The following MACROD2 variants were observed in gnomAD, a reference collection of about 807,000 sequenced individuals.
The protein encoded by MACROD2 is mono-ADP ribosylhydrolase 2.
In MACROD2, 36 loss-of-function variants were observed where a neutral mutation model predicts 70.4. The ratio of observed to expected loss-of-function variants is 0.51; its 90% CI spans 0.39 to 0.68. The LOEUF (loss-of-function observed/expected upper bound fraction) is 0.68. Among genes scored for constraint, MACROD2 ranks in the 30% least tolerant of loss-of-function variants. The pLI is 0.00. For missense variants in MACROD2, 496 were observed against 538.4 expected (o/e 0.92, Z 0.78); for synonymous variants, 172 against 178.8 (o/e 0.96, Z 0.30).
chr20:14,251,635 T>A (rs2082013312), intron 3 of MACROD2, among the ~76,000 whole-genome samples: 1 of 152,116 alleles, frequency 6.6e-6, no homozygotes, highest in African/African-American at 2.4e-5. Flanking sequence ...TTAATCTAAG[T>A]GCTAAAAATG....
chr20:16,017,104 A>G (rs952711796), intron 15 of MACROD2, among the ~76,000 whole-genome samples: 1 of 152,222 alleles, frequency 6.6e-6, no homozygotes, highest in Admixed American at 6.5e-5. Context: ...AAATAAGAAT[A>G]TAACAATCTT....
At chr20:14,515,834 C>T (rs917310720) in intron 4 of MACROD2, among the ~76,000 whole-genome samples, 1 of 151,638 alleles carries the variant, frequency 6.6e-6, no homozygotes, top group African/African-American at 2.4e-5. Flanking sequence ...TTCAAAATTG[C>T]TAAAAGAATT....
At chr20:15,040,227 A>G (rs1233610229) in intron 5 of MACROD2, among the ~76,000 whole-genome samples, 1 of 151,890 alleles carries the variant, frequency 6.6e-6, no homozygotes, top group African/African-American at 2.4e-5. Flanking sequence ...AGGCAGGAGA[A>G]TGGTAAGAAC....
chr20:14,089,791 CAAAAAT>C, intron 3 of MACROD2, among the ~76,000 whole-genome samples: 1 of 152,098 alleles, frequency 6.6e-6, no homozygotes, highest in Admixed American at 6.6e-5. Context: ...ATAGAAAAGA[CAAAAAT>C]AACACAGAGT....
intron 8 of MACROD2, among the ~76,000 whole-genome samples, chr20:15,684,282 G>C (rs2050198362): frequency 6.6e-6 from 1 of 152,208 alleles, no homozygotes; most frequent in Non-Finnish European, 1.5e-5. Context: ...GCAGGGATCA[G>C]CCGGGTCTAG....
chr20:14,314,178 A>C (rs2082592840), intron 3 of MACROD2, among the ~76,000 whole-genome samples: 1 of 152,188 alleles, frequency 6.6e-6, no homozygotes, highest in Non-Finnish European at 1.5e-5. Flanking sequence ...TTTTTTAAAA[A>C]ATTATTATTC....
At chr20:15,694,601 T>C (rs1335406685) in intron 8 of MACROD2, among the ~76,000 whole-genome samples, 1 of 152,188 alleles carries the variant, frequency 6.6e-6, no homozygotes. Flanking sequence ...GAGTTCATTG[T>C]AGATTCTGGA....
intron 5 of MACROD2, among the ~76,000 whole-genome samples, chr20:14,989,458 G>T (rs773567055): frequency 6.6e-6 from 1 of 152,138 alleles, no homozygotes; most frequent in East Asian, 1.9e-4. Flanking sequence ...CAAAAAGTAC[G>T]CATTCAAGAA....
chr20:15,112,391 T>G (rs1419079671), intron 5 of MACROD2, among the ~76,000 whole-genome samples: 1 of 151,608 alleles, frequency 6.6e-6, no homozygotes, highest in Admixed American at 6.6e-5. Context: ...CTAATTTTAA[T>G]AATGCATTTG....
intron 5 of MACROD2, among the ~76,000 whole-genome samples, chr20:14,691,043 G>A (rs571697307): frequency 2.2e-4 from 33 of 152,064 alleles, no homozygotes; most frequent in Admixed American, 3.3e-4. Flanking sequence ...TCATCCTCCC[G>A]AGTAGCTGGG....
intron 8 of MACROD2, among the ~76,000 whole-genome samples, chr20:15,779,833 G>A (rs1469992026): frequency 3.3e-5 from 5 of 152,114 alleles, no homozygotes; most frequent in Non-Finnish European, 7.4e-5. Flanking sequence ...GAAAACCATT[G>A]CAACTGTTCC....
intron 8 of MACROD2, among the ~76,000 whole-genome samples, chr20:15,782,717 C>CAAAAAAAAAAAAAAAA (rs11472322): frequency 1.3e-4 from 11 of 83,358 alleles, no homozygotes; most frequent in Non-Finnish European, 2.4e-4. Context: ...AGAGAAATGG[C>CAAAAAAAAAAAAAAAA]AAAAAAAAAA....
chr20:14,830,681 G>A (rs1326482462), intron 5 of MACROD2, among the ~76,000 whole-genome samples: 2 of 152,194 alleles, frequency 1.3e-5, no homozygotes, highest in South Asian at 2.1e-4. Context: ...ACAAGGGTGC[G>A]GTTACTAATA....
At chr20:14,236,224 C>T (rs998420263) in intron 3 of MACROD2, among the ~76,000 whole-genome samples, 7 of 151,968 alleles carry the variant, frequency 4.6e-5, no homozygotes, top group African/African-American at 1.7e-4. Context: ...CAAAATTGTA[C>T]TAGTCATTCC....
intron 3 of MACROD2, among the ~76,000 whole-genome samples, chr20:14,162,127 G>A (rs1056365183): frequency 6.6e-6 from 1 of 152,096 alleles, no homozygotes. Context: ...ATCCTTGACC[G>A]AGTGGTCATT....
chr20:14,188,358 T>C (rs2081360672), intron 3 of MACROD2, among the ~76,000 whole-genome samples: 1 of 152,132 alleles, frequency 6.6e-6, no homozygotes, highest in South Asian at 2.1e-4. Context: ...GTGTTGATGA[T>C]GGTGTAACTT....
At chr20:15,096,969 G>A (rs6043092) in intron 5 of MACROD2, among the ~76,000 whole-genome samples, 127,458 of 151,718 alleles carry the variant, frequency 0.84, 54,393 homozygotes, top group Non-Finnish European at 0.9. Flanking sequence ...TCGCCACCAC[G>A]CCCAGTTAAT....
rs149705675 is a variant in MACROD2 at position 15,906,428 on chromosome 20, T to A, written c.775+20617T>A. On this transcript the variant is annotated intron_variant, in intron 10 of 17. Coordinates refer to ENST00000684519, the MANE Select transcript of MACROD2 (RefSeq NM_001351661.2). The stretch of plus-strand genomic sequence containing the variant: ...ATTTGGGAATAAGTTGCCAATCTAC[T>A]GTTTCTATCCCCAAACATTTAACTG... 1.3e-3 allele frequency among the ~76,000 whole-genome samples: 198 copies of A among 152,358 alleles called. 1 individual carries two copies. The highest frequency in any genetic ancestry group is 4.6e-3 in the African/African-American group (191 of 41,576).
At chr20:15,133,792 T>C (rs1422002136) in intron 5 of MACROD2, among the ~76,000 whole-genome samples, 1 of 152,176 alleles carries the variant, frequency 6.6e-6, no homozygotes, top group African/African-American at 2.4e-5. Flanking sequence ...AATATGAGAC[T>C]GTTTAAATAA....
Sources: gnomAD v4.1 joint callset for allele counts (sites outside exome capture counted in the v4.1 genomes callset) on GRCh38, gnomAD v4.1.1 for gene constraint, MANE v1.5 for transcripts, NCBI Gene and HGNC (gene_info 2026-07-23, HGNC 2026-07-21) for gene names.